The following TBL1XR1 variants were observed in gnomAD, a reference collection of about 807,000 sequenced individuals.
TBL1XR1 encodes the protein TBL1X/Y related 1.
A neutral mutation model predicts 66.9 loss-of-function variants in TBL1XR1; 5 were observed. The ratio of observed to expected loss-of-function variants is 0.07; its 90% CI spans 0.04 to 0.16. The LOEUF (loss-of-function observed/expected upper bound fraction) is 0.16, where lower values mean the gene tolerates loss of function less well. Among genes scored for constraint, TBL1XR1 ranks in the 10% least tolerant of loss-of-function variants. TBL1XR1 has a pLI of 1.00. For synonymous variants in TBL1XR1, 210 were observed against 206.0 expected (o/e 1.02, Z -0.17); for missense variants, 238 against 623.2 (o/e 0.38, Z 6.58).
At chr3:177,193,621 A>T (rs1008400549) in intron 1 of TBL1XR1, among the ~76,000 whole-genome samples, 2 of 152,204 alleles carry the variant, frequency 1.3e-5, no homozygotes, top group Non-Finnish European at 2.9e-5. Context: ...ACTGCATCTT[A>T]TTAAATGGTG....
chr3:177,094,187 C>T (rs188019703), intron 2 of TBL1XR1, among the ~76,000 whole-genome samples: 67 of 151,936 alleles, frequency 4.4e-4, no homozygotes, highest in Non-Finnish European at 7.2e-4. Flanking sequence ...AGACAATTCT[C>T]AAAAGATATA....
At chr3:177,174,199 G>C (rs1003616371) in intron 1 of TBL1XR1, among the ~76,000 whole-genome samples, 1 of 152,030 alleles carries the variant, frequency 6.6e-6, no homozygotes, top group Non-Finnish European at 1.5e-5. Flanking sequence ...CACGAGGTCA[G>C]GAAATGGAGA....
rs1020384128 is a variant in TBL1XR1, at chr3:177,023,474, T to C, written c.*2024A>G. The C allele has an allele frequency of 6.6e-6, 1 of 152,510 alleles. No individual in the cohort carries two copies. The highest frequency in any genetic ancestry group is 2.4e-5 in the African/African-American group (1 of 41,428). 9.4% of individuals were successfully genotyped at this position (152,510 alleles called of 1,614,324 possible). ...GGTAATATGTTCTAAATATCTCTAA[T>C]GTGATCCAAAACCCTAAAAAGAGCT... On this transcript the variant is annotated 3_prime_UTR_variant, in exon 16 of 16. Coordinates refer to ENST00000457928, the MANE Select transcript of TBL1XR1 (RefSeq NM_024665.7).
intron 1 of TBL1XR1, among the ~76,000 whole-genome samples, chr3:177,103,820 G>C (rs914483403): frequency 6.6e-6 from 1 of 152,072 alleles, no homozygotes; most frequent in Non-Finnish European, 1.5e-5. Flanking sequence ...TTAATGTACA[G>C]AATTTGGGAA....
chr3:177,068,226 T>G (rs10755130), intron 2 of TBL1XR1, among the ~76,000 whole-genome samples: 54,552 of 152,076 alleles, frequency 0.36, 10,098 homozygotes, highest in East Asian at 0.5. Flanking sequence ...TTCTTAAATA[T>G]TAACTGAGAT....
chr3:177,075,900 G>A (rs1037824386), intron 2 of TBL1XR1, among the ~76,000 whole-genome samples: 6 of 152,196 alleles, frequency 3.9e-5, no homozygotes, highest in African/African-American at 1.4e-4. Flanking sequence ...GGTGTGCTAA[G>A]GAGGGGTCTG....
At chr3:177,037,805 C>CATCCATCCATCA (rs1293557468) in intron 12 of TBL1XR1, 1 of 246,700 alleles carries the variant, frequency 4.1e-6, no homozygotes, top group Non-Finnish European at 7.8e-6. Flanking sequence ...TCCATCCATC[C>CATCCATCCATCA]ATCTTCTTAT....
intron 1 of TBL1XR1, among the ~76,000 whole-genome samples, chr3:177,196,829 A>G (rs1357321798): frequency 1.3e-5 from 2 of 151,734 alleles, no homozygotes; most frequent in Admixed American, 6.6e-5. Flanking sequence ...CGGGGACAAC[A>G]TAATTAGGGT....
chr3:177,187,166 CAA>C (rs11369670), intron 1 of TBL1XR1, among the ~76,000 whole-genome samples: 5 of 134,800 alleles, frequency 3.7e-5, no homozygotes, highest in African/African-American at 5.6e-5. Context: ...GACTCTGTCT[CAA>C]AAAAAAAAAA....
intron 1 of TBL1XR1, among the ~76,000 whole-genome samples, chr3:177,186,500 A>G (rs1282314717): frequency 6.6e-6 from 1 of 152,220 alleles, no homozygotes; most frequent in African/African-American, 2.4e-5. Context: ...AGTTAATGAC[A>G]TATGATAGCC....
At chr3:177,138,353 G>C (rs1336830735) in intron 1 of TBL1XR1, among the ~76,000 whole-genome samples, 1 of 152,168 alleles carries the variant, frequency 6.6e-6, no homozygotes, top group African/African-American at 2.4e-5. Flanking sequence ...TCGGCATTTT[G>C]AGAGGCCGAG....
chr3:177,132,027 A>C (rs963514350), intron 1 of TBL1XR1, among the ~76,000 whole-genome samples: 1 of 152,190 alleles, frequency 6.6e-6, no homozygotes, highest in African/African-American at 2.4e-5. Flanking sequence ...TACCTGGTCA[A>C]AGTACCAAAC....
chr3:177,187,310 G>A lies in TBL1XR1; in HGVS notation c.-122+9811C>T, dbSNP rs191127084. ...TCGGGAGACTGAGGCAGGGAGAATC[G>A]CTTGAACCCGGGAGGCAGAGGTTGC... On this transcript the variant is annotated intron_variant, in intron 1 of 15. Transcript: ENST00000457928. Among the ~76,000 whole-genome samples, 579 of 151,216 alleles carry A rather than the reference G, an allele frequency of 3.8e-3. 2 individuals are homozygous for A. The highest frequency in any genetic ancestry group is 0.013 in the African/African-American group (548 of 41,180).
At chr3:177,161,406 G>A (rs1732195806) in intron 1 of TBL1XR1, among the ~76,000 whole-genome samples, 1 of 152,180 alleles carries the variant, frequency 6.6e-6, no homozygotes, top group Non-Finnish European at 1.5e-5. Context: ...TTATGAGCCA[G>A]TTAGGTTAAT....
chr3:177,187,607 T>G (rs1016566029), intron 1 of TBL1XR1, among the ~76,000 whole-genome samples: 2 of 152,066 alleles, frequency 1.3e-5, no homozygotes, highest in Non-Finnish European at 2.9e-5. Flanking sequence ...TAGACCCATG[T>G]TAAAATGCTA....
At chr3:177,027,971 C>G (rs1713394937) in intron 14 of TBL1XR1, 1 of 152,046 alleles carries the variant, frequency 6.6e-6, no homozygotes, top group Non-Finnish European at 1.5e-5. Context: ...CAATCTACAG[C>G]CAACTTGGGG....
At chr3:177,181,836 AAC>A (rs1553866790) in intron 1 of TBL1XR1, among the ~76,000 whole-genome samples, 1 of 149,594 alleles carries the variant, frequency 6.7e-6, no homozygotes, top group East Asian at 1.9e-4. Context: ...AAAAAAAAAA[AAC>A]ACACACATGA....
At chr3:177,096,775 A>C (rs1723548574) in intron 2 of TBL1XR1, among the ~76,000 whole-genome samples, 1 of 152,250 alleles carries the variant, frequency 6.6e-6, no homozygotes, top group South Asian at 2.1e-4. Context: ...TCTAGTGGTT[A>C]ATGAGTTGCC....
chr3:177,181,872 A>C (rs900959647), intron 1 of TBL1XR1, among the ~76,000 whole-genome samples: 1 of 152,170 alleles, frequency 6.6e-6, no homozygotes, highest in African/African-American at 2.4e-5. Context: ...GAGACTGCAG[A>C]ATACATAAAT....
Sources: gnomAD v4.1 joint callset for allele counts (sites outside exome capture counted in the v4.1 genomes callset) on GRCh38, gnomAD v4.1.1 for gene constraint, MANE v1.5 for transcripts, NCBI Gene and HGNC (gene_info 2026-07-23, HGNC 2026-07-21) for gene names.